CFAP61: variants seen among roughly 807,000 people sequenced by gnomAD.
CFAP61 encodes cilia and flagella associated protein 61.
In CFAP61, 107 loss-of-function variants were observed where a neutral mutation model predicts 135.6. That is an observed-to-expected ratio of 0.79 (90% confidence interval 0.67 to 0.93). The LOEUF (loss-of-function observed/expected upper bound fraction) is 0.93. CFAP61 is among the 40% of genes least tolerant of loss of function. The pLI, the probability that CFAP61 is intolerant of heterozygous loss-of-function variation, is 0.00. For missense variants in CFAP61, 1,507 were observed against 1,556.2 expected (o/e 0.97, Z 0.53); for synonymous variants, 575 against 578.5 (o/e 0.99, Z 0.09).
At chr20:20,318,137 C>A (rs2057245190) in intron 25 of CFAP61, among the ~76,000 whole-genome samples, 1 of 152,148 alleles carries the variant, frequency 6.6e-6, no homozygotes, top group Admixed American at 6.5e-5. Flanking sequence ...GCAAGTGGAT[C>A]TTATGCAGGG....
At chr20:20,258,983 C>T (rs866763726) in intron 20 of CFAP61, among the ~76,000 whole-genome samples, 1 of 152,122 alleles carries the variant, frequency 6.6e-6, no homozygotes, top group Admixed American at 6.5e-5. Flanking sequence ...GTCTCTGTTT[C>T]GTTCTCTTTC....
chr20:20,143,725 C>T (rs973722284), intron 9 of CFAP61, among the ~76,000 whole-genome samples: 9 of 152,102 alleles, frequency 5.9e-5, no homozygotes, highest in African/African-American at 1.9e-4. Context: ...GAAGACTTCC[C>T]GAGTCTTTAA....
chr20:20,189,855 C>T (rs1007118160), intron 14 of CFAP61, among the ~76,000 whole-genome samples: 3 of 152,130 alleles, frequency 2.0e-5, no homozygotes, highest in East Asian at 1.9e-4. Flanking sequence ...AGTGCGATGG[C>T]GCGACCTTGG....
intron 9 of CFAP61, among the ~76,000 whole-genome samples, chr20:20,159,165 A>G (rs2053193616): frequency 6.6e-6 from 1 of 152,212 alleles, no homozygotes; most frequent in South Asian, 2.1e-4. Flanking sequence ...TCTTTATTTT[A>G]TCCTCATAAC....
chr20:20,201,713 G>T (rs965172677), intron 17 of CFAP61, among the ~76,000 whole-genome samples: 1 of 152,180 alleles, frequency 6.6e-6, no homozygotes, highest in African/African-American at 2.4e-5. Context: ...GAAGGCGCTG[G>T]GCATAGAAGT....
At chr20:20,275,582 C>G (rs1000800718) in intron 21 of CFAP61, among the ~76,000 whole-genome samples, 2 of 152,162 alleles carry the variant, frequency 1.3e-5, no homozygotes, top group Non-Finnish European at 2.9e-5. Context: ...TTTCCATGAG[C>G]CTGTGAAGAA....
intron 26 of CFAP61, among the ~76,000 whole-genome samples, chr20:20,358,166 G>T (rs1161934447): frequency 7.4e-6 from 1 of 135,668 alleles, no homozygotes; most frequent in Non-Finnish European, 1.6e-5. Context: ...AGGGGAGGTG[G>T]TCACACTGAG....
chr20:20,292,102 C>G (rs2055036058), intron 24 of CFAP61, among the ~76,000 whole-genome samples: 2 of 152,186 alleles, frequency 1.3e-5, no homozygotes, highest in South Asian at 4.1e-4. Context: ...GGGTTCTTCA[C>G]CCTTCAGGAA....
At chr20:20,345,890 T>TTTTC (rs2058611767) in intron 26 of CFAP61, among the ~76,000 whole-genome samples, 1 of 126,556 alleles carries the variant, frequency 7.9e-6, no homozygotes, top group East Asian at 2.4e-4. Flanking sequence ...CCACTTTTTT[T>TTTTC]TTTTTTTTTT....
intron 18 of CFAP61, among the ~76,000 whole-genome samples, chr20:20,240,520 T>C (rs935535104): frequency 6.6e-6 from 1 of 151,942 alleles, no homozygotes; most frequent in Non-Finnish European, 1.5e-5. Flanking sequence ...TTTGTCCCTG[T>C]AACCCTGCAT....
intron 11 of CFAP61, among the ~76,000 whole-genome samples, chr20:20,165,937 A>G (rs2146813650): frequency 6.6e-6 from 1 of 152,344 alleles, no homozygotes; most frequent in Non-Finnish European, 1.5e-5. Flanking sequence ...ACATTTAAAT[A>G]TGATTGTGCT....
chr20:20,294,925 A>G (rs1386609910), intron 24 of CFAP61, among the ~76,000 whole-genome samples: 2 of 140,996 alleles, frequency 1.4e-5, no homozygotes, highest in African/African-American at 5.5e-5. Flanking sequence ...ACAGAGCGAG[A>G]CTCCGTCTCA....
At chr20:20,081,551 G>A (rs1423133376) in intron 6 of CFAP61, among the ~76,000 whole-genome samples, 1 of 152,162 alleles carries the variant, frequency 6.6e-6, no homozygotes, top group Non-Finnish European at 1.5e-5. Flanking sequence ...GCAGGGTGCA[G>A]GAGAAAAGAT....
intron 13 of CFAP61, among the ~76,000 whole-genome samples, chr20:20,182,369 TTCTC>T (rs1254639450): frequency 6.6e-6 from 1 of 152,218 alleles, no homozygotes; most frequent in Non-Finnish European, 1.5e-5. Context: ...TCAAGGGGCT[TTCTC>T]TAGCAAAAAC....
intron 20 of CFAP61, among the ~76,000 whole-genome samples, chr20:20,255,667 G>C (rs1171979939): frequency 6.6e-6 from 1 of 152,138 alleles, no homozygotes; most frequent in Non-Finnish European, 1.5e-5. Flanking sequence ...ACCTGAGAAA[G>C]ACACTCCCCC....
At chr20:20,063,564 TTAACC>T (rs1343954930) in intron 2 of CFAP61, among the ~76,000 whole-genome samples, 13 of 152,210 alleles carry the variant, frequency 8.5e-5, no homozygotes, top group Non-Finnish European at 1.6e-4. Flanking sequence ...GTAATAATTC[TTAACC>T]TAATAAGAAT....
chr20:20,090,597 G>C (rs2047115527), intron 6 of CFAP61, among the ~76,000 whole-genome samples: 1 of 150,802 alleles, frequency 6.6e-6, no homozygotes, highest in Non-Finnish European at 1.5e-5. Context: ...GGCTGAGGCA[G>C]GAGAATCGCT....
chr20:20,246,003 CA>C, intron 18 of CFAP61, 113 bp from the exon 19 acceptor site: 1 of 681,490 alleles, frequency 1.5e-6, no homozygotes, highest in Non-Finnish European at 2.5e-6. Flanking sequence ...TTAGTAGCTC[CA>C]AAAGCAATTC....
chr20:20,288,515 C>A, intron 22 of CFAP61, 94 bp from the exon 23 acceptor site: 1 of 955,624 alleles, frequency 1.0e-6, no homozygotes, highest in Non-Finnish European at 1.6e-6. Context: ...TTTTTGTGCC[C>A]CGAATAATAA....
Sources: allele counts gnomAD v4.1 joint callset (sites outside exome capture counted in the v4.1 genomes callset), GRCh38; gene constraint gnomAD v4.1.1; transcripts MANE v1.5; gene names NCBI Gene and HGNC (gene_info 2026-07-23, HGNC 2026-07-21).